Variants in SWT1 observed in about 807,000 individuals in gnomAD.
SWT1 encodes SWT1 RNA endoribonuclease homolog.
Under a neutral mutation model 107.3 loss-of-function variants are expected in SWT1, and 33 were observed. The observed-to-expected ratio is 0.31, with a 90% confidence interval of 0.23 to 0.41. The LOEUF (loss-of-function observed/expected upper bound fraction) is 0.41, where lower values mean the gene tolerates loss of function less well. SWT1 is among the 10% of genes least tolerant of loss of function. The probability of loss-of-function intolerance (pLI) is 1.00; values close to 1 mark genes in which losing one functional copy is unlikely to be tolerated. For synonymous variants in SWT1, 345 were observed against 348.3 expected, an observed-to-expected ratio of 0.99 and a Z score of 0.11; for missense variants, 898 against 1,028.9, an observed-to-expected ratio of 0.87 and a Z score of 1.74.
chr1:185,291,564 A>G lies in SWT1; in HGVS notation c.*761A>G, dbSNP rs746442171. 4 of 152,634 alleles carry G rather than the reference A, an allele frequency of 2.6e-5. No individual in the cohort carries two copies. Among genetic ancestry groups the G allele is most frequent in the Admixed American group, 2.0e-4 (3 of 15,274 alleles). The allele number at this position is 152,634 out of a possible 1,614,324, so 9.5% of individuals were successfully genotyped here. ...GTTTAGTTGACTTTTTAGTTATAGG[A>G]TAAGTTGGAAGTCCTTGTTTACTGG... On this transcript the variant is annotated 3_prime_UTR_variant, in exon 19 of 19. Coordinates refer to ENST00000367500, the MANE Select transcript of SWT1 (RefSeq NM_017673.7).
At chr1:185,205,306 A>T (rs1658245244) in intron 12 of SWT1, among the ~76,000 whole-genome samples, 2 of 152,164 alleles carry the variant, frequency 1.3e-5, no homozygotes, top group African/African-American at 2.4e-5. Flanking sequence ...ATTTCTTTGG[A>T]TTCACACCTT....
intron 5 of SWT1, among the ~76,000 whole-genome samples, chr1:185,178,876 GA>G (rs1470243467): frequency 2.0e-5 from 3 of 152,192 alleles, no homozygotes; most frequent in Non-Finnish European, 4.4e-5. Flanking sequence ...TGTGAGGTTT[GA>G]TGTTGGGTGG....
intron 4 of SWT1, among the ~76,000 whole-genome samples, chr1:185,173,059 A>G (rs1004028642): frequency 9.9e-5 from 15 of 151,600 alleles, no homozygotes; most frequent in African/African-American, 1.7e-4. Flanking sequence ...AAAAAAAAAA[A>G]AAGAAGAAAA....
Position 185,174,747 on chromosome 1 carries a change from A to T in SWT1, c.600A>T (p.Lys200Asn). The stretch of plus-strand genomic sequence containing the variant: ...GTAAATTTAGAGACAATTCTGAAAA[A>T]TGTGTCTTAGAGAAATGGAAGAGAA... ...RNSKFRDNSE[K>N]CVLEKWKRNQ... The change falls in exon 5 of 19, where the codon AAA (lysine) becomes AAT (asparagine). Residue 200 changes from lysine (K) to asparagine (N), a missense_variant. This residue lies in a region of SWT1 where 382 missense variants were observed against 362.4 expected (regional missense o/e 1.05). Coordinates refer to ENST00000367500, the MANE Select transcript of SWT1 (RefSeq NM_017673.7). 1 of 1,612,238 alleles carries T rather than the reference A, an allele frequency of 6.2e-7. No individual in the cohort carries two copies. Among genetic ancestry groups the T allele is most frequent in the Non-Finnish European group, 8.5e-7 (1 of 1,179,626 alleles).
In SWT1 at chr1:185,195,986, CTTTAG is replaced by C. The variant is rs1175050330; in HGVS notation, c.1523+5349_1523+5353del. Among the ~76,000 whole-genome samples, 11 of 152,286 alleles carry C rather than the reference CTTTAG, an allele frequency of 7.2e-5. No individual in the cohort carries two copies. The East Asian group carries it at 1.9e-3, about 27-fold the overall frequency. ...TAGTTTCTTTTGCTGTGCAGAAGCTCTTTAGTTTAATTAGATCCCATTTGTCAGTT... is the reference window on the plus strand; with the variant it reads ...TAGTTTCTTTTGCTGTGCAGAAGCTCTTTAATTAGATCCCATTTGTCAGTT... On this transcript the variant is annotated intron_variant, in intron 10 of 18. Coordinates refer to ENST00000367500, the MANE Select transcript of SWT1 (RefSeq NM_017673.7).
At chr1:185,183,628 G>A (rs1469237916) in intron 7 of SWT1, among the ~76,000 whole-genome samples, 4 of 152,052 alleles carry the variant, frequency 2.6e-5, no homozygotes, top group Non-Finnish European at 5.9e-5. Flanking sequence ...TATTCACTCA[G>A]GATATGTTAA....
intron 16 of SWT1, among the ~76,000 whole-genome samples, chr1:185,235,219 C>T (rs752039961): frequency 1.3e-5 from 2 of 152,162 alleles, no homozygotes; most frequent in Non-Finnish European, 2.9e-5. Flanking sequence ...TTTTATGAGG[C>T]CAGCATCATC....
chr1:185,276,541 A>G (rs1242426068), intron 17 of SWT1, 63 bp from the exon 18 acceptor site: 2 of 957,176 alleles, frequency 2.1e-6, no homozygotes, highest in East Asian at 2.6e-5. Context: ...GGGCTACTCT[A>G]ATTTTGCTGT....
At chr1:185,288,067 C>A (rs112176909) in intron 18 of SWT1, among the ~76,000 whole-genome samples, 106 of 152,114 alleles carry the variant, frequency 7.0e-4, no homozygotes, top group Middle Eastern at 3.4e-3. Flanking sequence ...TAGTTTGTTT[C>A]GTTTTTAAGT....
Position 185,242,496 on chromosome 1 carries a change from T to A in SWT1, c.2441+10788T>A, listed in dbSNP as rs1358996635. ...AAGACCTTATATTTACCTTTTAAGG[T>A]AACCTCCGCTGATACTTATATCAGC... is the stretch of plus-strand genomic sequence containing the variant. On this transcript the variant is annotated intron_variant, in intron 16 of 18. Transcript: ENST00000367500. Among the ~76,000 whole-genome samples, 6 of 152,258 alleles carry A rather than the reference T, an allele frequency of 3.9e-5. No individual in the cohort carries two copies. The East Asian group carries it at 1.2e-3, about 29-fold the overall frequency.
chr1:185,222,171 G>A (rs1049392885), intron 15 of SWT1, 135 bp downstream of exon 15: 1 of 527,754 alleles, frequency 1.9e-6, no homozygotes, highest in African/African-American at 2.0e-5. Context: ...AATCAGGCTA[G>A]TGAGCCTGAT....
intron 17 of SWT1, 45 bp downstream of exon 17, chr1:185,271,434 C>G: frequency 1.0e-6 from 1 of 988,270 alleles, no homozygotes; most frequent in Non-Finnish European, 1.6e-6. Context: ...CTACTTTAAA[C>G]AAATTTTAAT....
intron 16 of SWT1, among the ~76,000 whole-genome samples, chr1:185,258,945 C>T (rs866931142): frequency 4.2e-4 from 64 of 152,128 alleles, no homozygotes; most frequent in African/African-American, 1.5e-3. Flanking sequence ...TCCTGGCTCT[C>T]GTCATTCTAT....
At chr1:185,202,201 G>A (rs1657941981) in intron 10 of SWT1, among the ~76,000 whole-genome samples, 1 of 152,100 alleles carries the variant, frequency 6.6e-6, no homozygotes, top group Admixed American at 6.5e-5. Flanking sequence ...CAAACAGCAA[G>A]TTTGTGCTAT....
chr1:185,201,975 C>T (rs1657919941), intron 10 of SWT1, among the ~76,000 whole-genome samples: 1 of 151,818 alleles, frequency 6.6e-6, no homozygotes, highest in East Asian at 1.9e-4. Flanking sequence ...TTTTATAATT[C>T]TCATTCGTAG....
At chr1:185,242,447 T>C (rs1178454215) in intron 16 of SWT1, among the ~76,000 whole-genome samples, 1 of 152,126 alleles carries the variant, frequency 6.6e-6, no homozygotes, top group African/African-American at 2.4e-5. Context: ...TTTCCCAGCA[T>C]TTGTCATTCA....
intron 16 of SWT1, among the ~76,000 whole-genome samples, chr1:185,233,910 A>T (rs551462635): frequency 1.3e-5 from 2 of 151,752 alleles, no homozygotes; most frequent in South Asian, 2.1e-4. Context: ...TGCCCAGCTA[A>T]TTTTTTTGTA....
At chr1:185,263,281 T>TA (rs1663156929) in intron 16 of SWT1, 1 of 150,632 alleles carries the variant, frequency 6.6e-6, no homozygotes, top group Non-Finnish European at 1.5e-5. Context: ...CAATACCCAG[T>TA]AACAAAAAAA....
intron 15 of SWT1, 24 bp downstream of exon 15, chr1:185,222,060 T>G: frequency 1.4e-6 from 2 of 1,414,202 alleles, no homozygotes; most frequent in Non-Finnish European, 1.9e-6. Flanking sequence ...GGGAATTTTT[T>G]TTTAGTTATT....
Sources: gnomAD v4.1 joint callset for allele counts (sites outside exome capture counted in the v4.1 genomes callset) on GRCh38, gnomAD v4.1.1 for gene constraint, gnomAD v4.1.1 regional missense constraint, MANE v1.5 for transcripts, NCBI Gene and HGNC (gene_info 2026-07-23, HGNC 2026-07-21) for gene names.